RHBDL3: variants seen among roughly 807,000 people sequenced by gnomAD.
The protein encoded by RHBDL3 is rhomboid like 3.
Under a neutral mutation model 48.2 loss-of-function variants are expected in RHBDL3, and 28 were observed. The ratio of observed to expected loss-of-function variants is 0.58; its 90% CI spans 0.43 to 0.80. The LOEUF is 0.80. Among genes scored for constraint, RHBDL3 ranks in the 30% least tolerant of loss-of-function variants. The probability of loss-of-function intolerance (pLI) is 0.00; values close to 1 mark genes in which losing one functional copy is unlikely to be tolerated. For synonymous variants in RHBDL3, 208 were observed against 232.3 expected, an observed-to-expected ratio of 0.90 and a Z score of 0.95; for missense variants, 464 against 542.7, an observed-to-expected ratio of 0.85 and a Z score of 1.44.
At chr17:32,309,105 T>G (rs1411366269) in intron 7 of RHBDL3, among the ~76,000 whole-genome samples, 1 of 151,962 alleles carries the variant, frequency 6.6e-6, no homozygotes, top group Non-Finnish European at 1.5e-5. Context: ...CCATCAGCAT[T>G]TGAATATTGG....
chr17:32,304,653 C>A (rs893553727), intron 6 of RHBDL3, among the ~76,000 whole-genome samples: 8 of 152,164 alleles, frequency 5.3e-5, no homozygotes, highest in African/African-American at 1.9e-4. Flanking sequence ...ATAACTACTG[C>A]TACTATTTTT....
At chr17:32,314,944 C>A (rs1295755454) in intron 7 of RHBDL3, among the ~76,000 whole-genome samples, 3 of 152,206 alleles carry the variant, frequency 2.0e-5, no homozygotes, top group African/African-American at 7.2e-5. Context: ...CCACCTAAAG[C>A]GGGACCGCAG....
At position 32,266,365 on chromosome 17, in the gene RHBDL3, C is replaced by G. The variant is rs1292314354; in HGVS notation, c.111+65C>G. On this transcript the variant is annotated intron_variant, in intron 1 of 8. Coordinates refer to ENST00000269051, the MANE Select transcript of RHBDL3 (RefSeq NM_138328.3). ...CGCCGGGGGGAAAAGCCGCCCCTGT[C>G]TCGCCCCACGCCGGGCAACTTGGAG... 5.9e-6 allele frequency: 5 copies of G among 847,020 alleles called. No homozygotes were observed. The South Asian group carries it at 9.7e-5, about 16-fold the overall frequency. 52.5% of individuals were successfully genotyped at this position (847,020 alleles called of 1,614,324 possible).
At chr17:32,298,687 C>T (rs1034774714) in intron 6 of RHBDL3, among the ~76,000 whole-genome samples, 1 of 152,240 alleles carries the variant, frequency 6.6e-6, no homozygotes, top group African/African-American at 2.4e-5. Context: ...CAGGTACCAC[C>T]CTGGCCACGT....
chr17:32,289,140 A>G (rs2040268399), intron 4 of RHBDL3, 124 bp downstream of exon 4: 3 of 728,912 alleles, frequency 4.1e-6, no homozygotes, highest in Admixed American at 2.3e-5. Flanking sequence ...TTGAAGGGCA[A>G]TGGTTGAGGA....
chr17:32,267,447 GC>G (rs749387961), intron 1 of RHBDL3, among the ~76,000 whole-genome samples: 158 of 151,382 alleles, frequency 1.0e-3, no homozygotes, highest in Non-Finnish European at 2.1e-3. Flanking sequence ...GGAGGGGGGG[GC>G]TCTAGCTCCC....
chr17:32,287,458 T>C (rs767040736), intron 3 of RHBDL3, among the ~76,000 whole-genome samples: 1 of 152,094 alleles, frequency 6.6e-6, no homozygotes, highest in East Asian at 1.9e-4. Context: ...GGATAGAGAA[T>C]GGTTGGAAAA....
chr17:32,311,819 C>T (rs947698624), intron 7 of RHBDL3, among the ~76,000 whole-genome samples: 4 of 152,210 alleles, frequency 2.6e-5, no homozygotes, highest in Admixed American at 6.5e-5. Context: ...GTGTGCCAGG[C>T]AGTGGTCTTA....
chr17:32,283,819 CA>C (rs368210519), intron 2 of RHBDL3, among the ~76,000 whole-genome samples: 163 of 152,288 alleles, frequency 1.1e-3, no homozygotes, highest in African/African-American at 3.8e-3. Context: ...GAGGCAAAAG[CA>C]GACAGACATC....
intron 7 of RHBDL3, among the ~76,000 whole-genome samples, chr17:32,314,048 C>T (rs1597690509): frequency 6.6e-6 from 1 of 151,488 alleles, no homozygotes; most frequent in African/African-American, 2.4e-5. Context: ...CGTGAGCCAC[C>T]GCCTTTTAAA....
At position 32,321,174 on chromosome 17, in the gene RHBDL3, T is replaced by C. The variant is rs1231496570; in HGVS notation, c.1160T>C (p.Phe387Ser). The C allele has an allele frequency of 2.5e-6, 4 of 1,614,074 alleles. No individual in the cohort carries two copies. Among genetic ancestry groups the C allele is most frequent in the Admixed American group, 3.3e-5 (2 of 60,008 alleles). ...MYTVFVLFAV[F>S]WNIFAYTLLD... ...ACCGTCTTCGTGCTGTTCGCTGTCT[T>C]CTGGAACATCTTTGCCTACACCCTG... is the stretch of plus-strand genomic sequence containing the variant. Residue 387 changes from phenylalanine to serine, a missense_variant, in exon 9 of 9, where the codon TTC becomes TCC. Phe to Ser is a radical substitution (Grantham distance 155). Transcript: ENST00000269051.
At chr17:32,319,152 G>A (rs1313959801) in intron 8 of RHBDL3, among the ~76,000 whole-genome samples, 1 of 151,862 alleles carries the variant, frequency 6.6e-6, no homozygotes, top group African/African-American at 2.4e-5. Flanking sequence ...GCCGGACGCG[G>A]TGGCTCACGC....
chr17:32,294,506 C>T, intron 5 of RHBDL3, 64 bp downstream of exon 5: 1 of 1,436,124 alleles, frequency 7.0e-7, no homozygotes, highest in Non-Finnish European at 9.4e-7. Context: ...GTCAAGATAG[C>T]CTGGATTGAA....
At chr17:32,276,500 G>A (rs990905118) in intron 2 of RHBDL3, among the ~76,000 whole-genome samples, 3 of 152,134 alleles carry the variant, frequency 2.0e-5, no homozygotes, top group Non-Finnish European at 4.4e-5. Context: ...GTTGGGTGGG[G>A]AGAGCTCTGC....
intron 5 of RHBDL3, among the ~76,000 whole-genome samples, chr17:32,296,203 TGAGA>T (rs2040442108): frequency 7.7e-6 from 1 of 130,566 alleles, no homozygotes; most frequent in Non-Finnish European, 1.6e-5. Context: ...ATGGATGGTG[TGAGA>T]GAGACTGCCT....
At chr17:32,266,343 C>A (rs1424397497) in intron 1 of RHBDL3, 43 bp downstream of exon 1, 2 of 1,132,258 alleles carry the variant, frequency 1.8e-6, no homozygotes, top group African/African-American at 1.6e-5. Flanking sequence ...TAGGGGGCGC[C>A]GGGGGGAAAA....
At chr17:32,287,188 A>G (rs570039927) in intron 3 of RHBDL3, among the ~76,000 whole-genome samples, 1 of 152,286 alleles carries the variant, frequency 6.6e-6, no homozygotes, top group South Asian at 2.1e-4. Flanking sequence ...AGCACTGGGC[A>G]TGTGAGGGAC....
At chr17:32,279,216 G>A (rs2039983862) in intron 2 of RHBDL3, among the ~76,000 whole-genome samples, 1 of 152,152 alleles carries the variant, frequency 6.6e-6, no homozygotes, top group South Asian at 2.1e-4. Flanking sequence ...GTGGTGGCCT[G>A]AGGTTTCAGT....
chr17:32,309,770 CTTTTTTTTT>C (rs11346917), intron 7 of RHBDL3, among the ~76,000 whole-genome samples: 54 of 124,826 alleles, frequency 4.3e-4, no homozygotes, highest in African/African-American at 1.5e-3. Context: ...ATCAAGACTT[CTTTTTTTTT>C]TTTTTTTTTT....
Sources: gnomAD v4.1 joint callset for allele counts (sites outside exome capture counted in the v4.1 genomes callset) on GRCh38, gnomAD v4.1.1 for gene constraint, MANE v1.5 for transcripts, NCBI Gene and HGNC (gene_info 2026-07-23, HGNC 2026-07-21) for gene names.